Variants in BRINP1 observed in about 807,000 individuals in gnomAD.
The protein encoded by BRINP1 is BMP/retinoic acid-inducible neural-specific protein 1.
In BRINP1, 17 loss-of-function variants were observed where a neutral mutation model predicts 72.9. The ratio of observed to expected loss-of-function variants is 0.23; its 90% confidence interval spans 0.16 to 0.35. BRINP1 has a LOEUF of 0.35. Among genes scored for constraint, BRINP1 ranks in the 10% least tolerant of loss-of-function variants. BRINP1 has a pLI of 1.00. For synonymous variants in BRINP1, 418 were observed against 378.5 expected, an observed-to-expected ratio of 1.10 and a Z score of -1.21; for missense variants, 850 against 1,001.6, an observed-to-expected ratio of 0.85 and a Z score of 2.04.
rs529708146 is a variant in BRINP1, at chr9:119,313,237, C to G, written c.119G>C (p.Trp40Ser). 1 of 1,614,102 alleles carries G rather than the reference C, an allele frequency of 6.2e-7. No homozygotes were observed. Among genetic ancestry groups the G allele is most frequent in the Non-Finnish European group, 8.5e-7 (1 of 1,180,024 alleles). Residue 40 changes from tryptophan to serine, a missense_variant, in exon 2 of 8, where the codon TGG becomes TCG. Coordinates refer to ENST00000265922, the MANE Select transcript of BRINP1 (RefSeq NM_014618.3). ...TDQHVSKEFD[W>S]LISDRGPFHH... ...GAAAGGCCCCCTGTCTGAAATGAGC[C>G]AATCAAATTCCTTGGAGACATGTTG...
intron 1 of BRINP1, among the ~76,000 whole-genome samples, chr9:119,342,968 T>G: frequency 6.6e-6 from 1 of 152,328 alleles, no homozygotes; most frequent in Middle Eastern, 3.4e-3. Flanking sequence ...TTTGCCTCAG[T>G]TTATAGATTT....
At position 119,298,914 on chromosome 9, in the gene BRINP1, C is replaced by CT. The variant is rs797009907; in HGVS notation, c.218+14223dup. ...CCTATGCATTTACTTTGAGCCAATA[C>CT]TTTTTTTTTAAAGGTAAGTATTTAT... On this transcript the variant is annotated intron_variant, in intron 2 of 7. Transcript: ENST00000265922. Among the ~76,000 whole-genome samples, 830 of 151,298 alleles carry CT rather than the reference C, an allele frequency of 5.5e-3. 5 individuals are homozygous for CT. The highest frequency in any genetic ancestry group is 0.019 in the African/African-American group (773 of 41,224).
intron 1 of BRINP1, among the ~76,000 whole-genome samples, chr9:119,353,230 G>A (rs1587970536): frequency 1.3e-5 from 2 of 152,104 alleles, no homozygotes; most frequent in Non-Finnish European, 2.9e-5. Flanking sequence ...GAGCTTGAAT[G>A]AGCTGATCAA....
At chr9:119,221,341 T>G (rs1438901320) in intron 5 of BRINP1, among the ~76,000 whole-genome samples, 2 of 152,138 alleles carry the variant, frequency 1.3e-5, no homozygotes, top group African/African-American at 4.8e-5. Flanking sequence ...GATTTCAGAC[T>G]GGCAGATAAA....
chr9:119,182,431 G>C (rs915355136), intron 7 of BRINP1, among the ~76,000 whole-genome samples: 17 of 152,168 alleles, frequency 1.1e-4, no homozygotes, highest in African/African-American at 4.1e-4. Flanking sequence ...GTATGTATAA[G>C]ACATGCTAAG....
At chr9:119,215,735 G>T (rs992535320) in intron 5 of BRINP1, among the ~76,000 whole-genome samples, 1 of 152,124 alleles carries the variant, frequency 6.6e-6, no homozygotes, top group Non-Finnish European at 1.5e-5. Flanking sequence ...ATTTTCAGAG[G>T]GACATTGTGG....
chr9:119,175,528 A>AG (rs949154575), intron 7 of BRINP1, among the ~76,000 whole-genome samples: 13 of 152,090 alleles, frequency 8.5e-5, no homozygotes, highest in Non-Finnish European at 1.8e-4. Flanking sequence ...AATAAAAAAA[A>AG]GGGGGGGTTA....
chr9:119,298,234 T>C (rs933324393), intron 2 of BRINP1, among the ~76,000 whole-genome samples: 2 of 152,224 alleles, frequency 1.3e-5, no homozygotes, highest in African/African-American at 4.8e-5. Context: ...CCCTCATGCC[T>C]GTAAACAGGA....
chr9:119,368,564 G>A lies in BRINP1; in HGVS notation c.-51+492C>T, dbSNP rs1831719868. ...CGGTGACTACGTGATCCTATAGTAA[G>A]GGTCCCATTCCGTGTAAGCTGGAGA... On this transcript the variant is annotated intron_variant, in intron 1 of 7. Coordinates refer to ENST00000265922, the MANE Select transcript of BRINP1 (RefSeq NM_014618.3). This position sits in a 1 kb window ranked among gnomAD's most constrained non-coding sequence, Gnocchi z 4.7. Among the ~76,000 whole-genome samples the A allele has an allele frequency of 6.6e-6, 1 of 152,048 alleles. No homozygotes were observed. Among genetic ancestry groups the A allele is most frequent in the South Asian group, 2.1e-4 (1 of 4,818 alleles).
chr9:119,178,543 T>TAGTC (rs1330198305), intron 7 of BRINP1, among the ~76,000 whole-genome samples: 1 of 152,204 alleles, frequency 6.6e-6, no homozygotes, highest in African/African-American at 2.4e-5. Flanking sequence ...TTATCATGGA[T>TAGTC]AGTCATAAAC....
In BRINP1 at chr9:119,304,740, C is replaced by T. The variant is rs1274370686; in HGVS notation, c.218+8398G>A. On this transcript the variant is annotated intron_variant, in intron 2 of 7. Coordinates refer to ENST00000265922, the MANE Select transcript of BRINP1 (RefSeq NM_014618.3). ...GGCTGCCTGACCAGTAGGTCTGCAGCCTGCAGCTGTTGGTGGCACTGATTG... is the reference window on the plus strand; with the variant it reads ...GGCTGCCTGACCAGTAGGTCTGCAGTCTGCAGCTGTTGGTGGCACTGATTG... Among the ~76,000 whole-genome samples the T allele has an allele frequency of 3.9e-5, 6 of 152,228 alleles. No homozygotes were observed. In the East Asian group the frequency reaches 1.2e-3, roughly 29 times the overall value.
intron 2 of BRINP1, among the ~76,000 whole-genome samples, chr9:119,301,433 C>A (rs1400305343): frequency 6.6e-6 from 1 of 152,102 alleles, no homozygotes; most frequent in East Asian, 1.9e-4. Context: ...AGGTTATGAC[C>A]ATTTACATAA....
At chr9:119,202,668 T>C (rs1244530493) in intron 7 of BRINP1, among the ~76,000 whole-genome samples, 1 of 152,148 alleles carries the variant, frequency 6.6e-6, no homozygotes, top group Non-Finnish European at 1.5e-5. Context: ...AGTCTGACAC[T>C]AGGGTCAGCT....
chr9:119,309,496 T>C (rs913017088), intron 2 of BRINP1, among the ~76,000 whole-genome samples: 4 of 152,202 alleles, frequency 2.6e-5, no homozygotes, highest in Admixed American at 6.5e-5. Context: ...AGTGTGGCTA[T>C]GAGGAGTTAA....
At chr9:119,307,374 T>C (rs10760033) in intron 2 of BRINP1, among the ~76,000 whole-genome samples, 73,729 of 151,970 alleles carry the variant, frequency 0.49, 18,506 homozygotes, top group African/African-American at 0.6. Context: ...TATTTGCATA[T>C]TGGATCAAAA....
intron 2 of BRINP1, among the ~76,000 whole-genome samples, chr9:119,271,532 T>C (rs1830604856): frequency 6.6e-6 from 1 of 152,134 alleles, no homozygotes; most frequent in East Asian, 1.9e-4. Context: ...ATGTATTATT[T>C]ATATAATACA....
chr9:119,259,072 T>C (rs1345855650), intron 2 of BRINP1, among the ~76,000 whole-genome samples: 2 of 152,026 alleles, frequency 1.3e-5, no homozygotes, highest in Non-Finnish European at 2.9e-5. Flanking sequence ...AAAAACAAAA[T>C]AGAGGATATC....
chr9:119,186,789 C>T (rs1490766544), intron 7 of BRINP1, among the ~76,000 whole-genome samples: 2 of 152,146 alleles, frequency 1.3e-5, no homozygotes, highest in Non-Finnish European at 2.9e-5. Context: ...CTATTTGAAC[C>T]CTAGAGCCCA....
rs772638513 is a variant in BRINP1, at chr9:119,238,637, T to C, written c.685+18A>G. 7.1e-6 allele frequency: 11 copies of C among 1,558,164 alleles called. No individual in the cohort carries two copies. Among genetic ancestry groups the C allele is most frequent in the Admixed American group, 1.7e-5 (1 of 57,338 alleles). On this transcript the variant is annotated intron_variant, in intron 5 of 7. Transcript: ENST00000265922. ...ATGTTTCCCCCAACTGACCCCACTT[T>C]TTCCACTGGCTTCCTACCTTGAAGG...
Sources: gnomAD v4.1 joint callset for allele counts (sites outside exome capture counted in the v4.1 genomes callset) on GRCh38, gnomAD v4.1.1 for gene constraint, Gnocchi (gnomAD v3.1) non-coding constraint, MANE v1.5 for transcripts, NCBI Gene and HGNC (gene_info 2026-07-23, HGNC 2026-07-21) for gene names.